KRTAP4-2: variants seen among roughly 807,000 people sequenced by gnomAD.
KRTAP4-2 encodes keratin-associated protein 4-2.
For missense variants in KRTAP4-2, 178 were observed against 177.3 expected, an observed-to-expected ratio of 1.00 and a Z score of -0.02; for synonymous variants, 56 against 63.5, an observed-to-expected ratio of 0.88 and a Z score of 0.56.
At position 41,178,166 on chromosome 17, in the gene KRTAP4-2, G is replaced by C. The variant is rs1598017028; in HGVS notation, c.-2C>G. 2 of 1,607,222 alleles carry C rather than the reference G, an allele frequency of 1.2e-6. No homozygotes were observed. The highest frequency in any genetic ancestry group is 4.5e-5 in the East Asian group (2 of 44,766). ...AGAGCCACAACAGGAGTTGACCATGGTGTCAGAGGGTGGAGGTTCTGGGTG... is the reference window on the plus strand; with the variant it reads ...AGAGCCACAACAGGAGTTGACCATGCTGTCAGAGGGTGGAGGTTCTGGGTG... On this transcript the variant is annotated 5_prime_UTR_variant, in exon 1 of 1. Coordinates refer to ENST00000377726, the MANE Select transcript of KRTAP4-2 (RefSeq NM_033062.4).
At position 41,178,157 on chromosome 17, in the gene KRTAP4-2, T is replaced by C. The variant is rs1370996328; in HGVS notation, c.8A>G (p.Asn3Ser). Residue 3 changes from asparagine to serine, a missense_variant, in exon 1 of 1, where the codon AAC becomes AGC. Transcript: ENST00000377726. ...AGAGCACACAGAGCCACAACAGGAG[T>C]TGACCATGGTGTCAGAGGGTGGAGG... MV[N>S]SCCGSVCSDQ... 3.1e-6 allele frequency: 5 copies of C among 1,610,424 alleles called. No individual in the cohort carries two copies. Among genetic ancestry groups the C allele is most frequent in the Non-Finnish European group, 4.2e-6 (5 of 1,177,474 alleles).
At position 41,177,695 on chromosome 17, in the gene KRTAP4-2, A is replaced by G. The variant is rs1017248967; in HGVS notation, c.*59T>C. 3.2e-6 allele frequency: 5 copies of G among 1,578,016 alleles called. No homozygotes were observed. In the Admixed American group the frequency reaches 8.6e-5, roughly 27 times the overall value. On this transcript the variant is annotated 3_prime_UTR_variant, in exon 1 of 1. Transcript: ENST00000377726. Reference sequence around the variant, plus strand: ...CAATTGGCCTTGCATGATTCAGTTCACAGGTGGATCATATCAAGAATGCTG... The same window carrying G: ...CAATTGGCCTTGCATGATTCAGTTCGCAGGTGGATCATATCAAGAATGCTG...
In KRTAP4-2 at chr17:41,178,020, G is replaced by A; in HGVS notation, c.145C>T (p.Gln49Ter). Reference protein sequence around the residue: ...SCCVSSCCRPQCCQSVCCQPT... With the variant: ...SCCVSSCCRP The stretch of plus-strand genomic sequence containing the variant: ...TGGCAGCACACAGACTGGCAGCACT[G>A]CGGTCTGCAGCAGCTGGACACACAG... The change falls in exon 1 of 1, where the codon CAG becomes TAG. Residue 49 changes from glutamine (Q) to a stop codon, truncating the protein, a stop_gained. Coordinates refer to ENST00000377726, the MANE Select transcript of KRTAP4-2 (RefSeq NM_033062.4). LOFTEE classifies it low-confidence loss of function (END_TRUNC). 1 of 1,602,332 alleles carries A rather than the reference G, an allele frequency of 6.2e-7. No homozygotes were observed. Among genetic ancestry groups the A allele is most frequent in the East Asian group, 2.2e-5 (1 of 44,564 alleles).
Position 41,177,921 on chromosome 17 carries a change from C to G in KRTAP4-2, c.244G>C (p.Val82Leu), listed in dbSNP as rs756122250. The change falls in exon 1 of 1, where the codon GTG becomes CTG. Residue 82 changes from valine to leucine, a missense_variant. Physicochemically the swap from Val to Leu is conservative, Grantham distance 32. Coordinates refer to ENST00000377726, the MANE Select transcript of KRTAP4-2 (RefSeq NM_033062.4). ...CACTGGGGTCTGAAGCAGCTGGACA[C>G]ACAGCAGCTGGGACGGCAGCAGGTG... ...RTTCCRPSCC[V>L]SSCFRPQCCQ... 6.2e-7 allele frequency: 1 copy of G among 1,612,660 alleles called. No individual in the cohort carries two copies. Among genetic ancestry groups the G allele is most frequent in the South Asian group, 1.1e-5 (1 of 90,998 alleles).
At position 41,177,555 on chromosome 17, in the gene KRTAP4-2, T is replaced by C. The variant is rs2015162628; in HGVS notation, c.*199A>G. ...CAATTCAGGGAACATGGGGTTGACA[T>C]ATTTCAGAGAAAATTCAAACTTGTA... On this transcript the variant is annotated 3_prime_UTR_variant, in exon 1 of 1. Transcript: ENST00000377726. 1 of 793,048 alleles carries C rather than the reference T, an allele frequency of 1.3e-6. No homozygotes were observed. Among genetic ancestry groups the C allele is most frequent in the Non-Finnish European group, 2.0e-6 (1 of 505,610 alleles). The allele number at this position is 793,048 out of a possible 1,614,324, so 49.1% of individuals were successfully genotyped here.
chr17:41,177,612 T>C lies in KRTAP4-2; in HGVS notation c.*142A>G. 1 of 1,301,526 alleles carries C rather than the reference T, an allele frequency of 7.7e-7. No homozygotes were observed. Among genetic ancestry groups the C allele is most frequent in the Non-Finnish European group, 1.1e-6 (1 of 937,270 alleles). The allele number at this position is 1,301,526 out of a possible 1,614,324, so 80.6% of individuals were successfully genotyped here. ...TGGTAGAGGGTAGCAACATAGTGTT[T>C]GGTGAGCATATTTGGAGGCCAAACT... On this transcript the variant is annotated 3_prime_UTR_variant, in exon 1 of 1. Transcript: ENST00000377726.
Position 41,177,978 on chromosome 17 carries a change from G to A in KRTAP4-2, c.187C>T (p.Pro63Ser), listed in dbSNP as rs1183341790. The A allele has an allele frequency of 3.9e-5, 63 of 1,604,920 alleles. No homozygotes were observed. Among genetic ancestry groups the A allele is most frequent in the Non-Finnish European group, 5.3e-5 (62 of 1,173,714 alleles). ...CAGCAAGTGGTCTGGCAGCAGCTGG[G>A]GCTGCAGCAGGTGGGCTGGCAGCAC... ...SVCCQPTCCSPSCCQTTCCRT... is the reference protein window; with the variant it reads ...SVCCQPTCCSSSCCQTTCCRT... Residue 63 changes from proline to serine, a missense_variant, in exon 1 of 1, where the codon CCC becomes TCC. Physicochemically the swap from Pro to Ser is moderately conservative, Grantham distance 74 (BLOSUM62 -1). Coordinates refer to ENST00000377726, the MANE Select transcript of KRTAP4-2 (RefSeq NM_033062.4).
rs951517131 is a variant in KRTAP4-2, at chr17:41,177,494, C to T, written c.*260G>A. On this transcript the variant is annotated 3_prime_UTR_variant, in exon 1 of 1. Transcript: ENST00000377726. The stretch of plus-strand genomic sequence containing the variant: ...AAATTTATTTAAGATAGAGGAATAG[C>T]TCCATGTGATAAATTATGGTAGAGA... 8.6e-6 allele frequency: 5 copies of T among 584,756 alleles called. No homozygotes were observed. The African/African-American group carries it at 9.3e-5, about 11-fold the overall frequency. 36.2% of individuals were successfully genotyped at this position (584,756 alleles called of 1,614,324 possible).
chr17:41,178,205 G>T lies in KRTAP4-2; in HGVS notation c.-41C>A, dbSNP rs1292905100. On this transcript the variant is annotated 5_prime_UTR_variant, in exon 1 of 1. Coordinates refer to ENST00000377726, the MANE Select transcript of KRTAP4-2 (RefSeq NM_033062.4). ...AGGTTCTGGGTGGATTTCCAGGAAGGTGGGTTTGGAAGGTTTGGAAGTTTC... is the reference window on the plus strand; with the variant it reads ...AGGTTCTGGGTGGATTTCCAGGAAGTTGGGTTTGGAAGGTTTGGAAGTTTC... The T allele has an allele frequency of 1.9e-6, 3 of 1,583,686 alleles. No homozygotes were observed. In the East Asian group the frequency reaches 6.7e-5, roughly 35 times the overall value.
At position 41,178,165 on chromosome 17, in the gene KRTAP4-2, G is replaced by T. The variant is rs1336745809; in HGVS notation, c.-1C>A. ...CAGAGCCACAACAGGAGTTGACCAT[G>T]GTGTCAGAGGGTGGAGGTTCTGGGT... On this transcript the variant is annotated 5_prime_UTR_variant, in exon 1 of 1. Transcript: ENST00000377726. 1.2e-6 allele frequency: 2 copies of T among 1,606,856 alleles called. No homozygotes were observed.
At position 41,178,156 on chromosome 17, in the gene KRTAP4-2, G is replaced by A. The variant is rs368953965; in HGVS notation, c.9C>T (p.Asn3=). 7 of 1,610,800 alleles carry A rather than the reference G, an allele frequency of 4.3e-6. 1 individual carries two copies. Among genetic ancestry groups the A allele is most frequent in the Non-Finnish European group, 5.9e-6 (7 of 1,177,602 alleles). The change falls in exon 1 of 1, where the codon AAC becomes AAT. Residue 3 remains asparagine, a synonymous_variant. Coordinates refer to ENST00000377726, the MANE Select transcript of KRTAP4-2 (RefSeq NM_033062.4). The part of the protein sequence containing the change: MV[N]SCCGSVCSDQ... ...CAGAGCACACAGAGCCACAACAGGA[G>A]TTGACCATGGTGTCAGAGGGTGGAG...
In KRTAP4-2 at chr17:41,178,025, C is replaced by G. The variant is rs1252320747; in HGVS notation, c.140G>C (p.Arg47Thr). The change falls in exon 1 of 1, where the codon AGA becomes ACA. Residue 47 changes from arginine (R) to threonine (T), a missense_variant. Arg to Thr is a moderately conservative substitution (Grantham distance 71). Coordinates refer to ENST00000377726, the MANE Select transcript of KRTAP4-2 (RefSeq NM_033062.4). ...GCACACAGACTGGCAGCACTGCGGT[C>G]TGCAGCAGCTGGACACACAGCAGCT... ...RPSCCVSSCC[R>T]PQCCQSVCCQ... 3 of 1,605,878 alleles carry G rather than the reference C, an allele frequency of 1.9e-6. No homozygotes were observed. The highest frequency in any genetic ancestry group is 2.6e-6 in the Non-Finnish European group (3 of 1,174,040).
Position 41,177,614 on chromosome 17 carries a change from G to T in KRTAP4-2, c.*140C>A. 7.6e-7 allele frequency: 1 copy of T among 1,318,116 alleles called. No homozygotes were observed. The highest frequency in any genetic ancestry group is 1.1e-6 in the Non-Finnish European group (1 of 951,842). 81.7% of individuals were successfully genotyped at this position (1,318,116 alleles called of 1,614,324 possible). A position where few individuals can be genotyped will look rare whatever the true frequency, so the allele number is the denominator to read the frequency against. ...GTAGAGGGTAGCAACATAGTGTTTG[G>T]TGAGCATATTTGGAGGCCAAACTCA... is the stretch of plus-strand genomic sequence containing the variant. On this transcript the variant is annotated 3_prime_UTR_variant, in exon 1 of 1. Transcript: ENST00000377726.
In KRTAP4-2 at chr17:41,177,607, G is replaced by C. The variant is rs1053640331; in HGVS notation, c.*147C>G. On this transcript the variant is annotated 3_prime_UTR_variant, in exon 1 of 1. Coordinates refer to ENST00000377726, the MANE Select transcript of KRTAP4-2 (RefSeq NM_033062.4). ...TCATTTGGTAGAGGGTAGCAACATA[G>C]TGTTTGGTGAGCATATTTGGAGGCC... is the stretch of plus-strand genomic sequence containing the variant. 2 of 1,250,224 alleles carry C rather than the reference G, an allele frequency of 1.6e-6. No individual in the cohort carries two copies. The highest frequency in any genetic ancestry group is 2.2e-6 in the Non-Finnish European group (2 of 891,828). The allele number at this position is 1,250,224 out of a possible 1,614,324, so 77.4% of individuals were successfully genotyped here.
Position 41,178,052 on chromosome 17 carries a change from G to C in KRTAP4-2, c.113C>G (p.Pro38Arg), listed in dbSNP as rs770046230. Residue 38 changes from proline (P) to arginine (R), a missense_variant, in exon 1 of 1, where the codon CCC becomes CGC. Physicochemically the swap from Pro to Arg is moderately radical, Grantham distance 103. Transcript: ENST00000377726. The part of the protein sequence containing the change: ...TTCCRTTCCR[P>R]SCCVSSCCRP... ...GCAGCAGCTGGACACACAGCAGCTG[G>C]GGCGGCAGCAGGTGGTCCTGCAGCA... The C allele has an allele frequency of 1.1e-5, 17 of 1,613,094 alleles. No individual in the cohort carries two copies. The South Asian group carries it at 1.9e-4, about 18-fold the overall frequency.
In KRTAP4-2 at chr17:41,177,518, G is replaced by A. The variant is rs1269625171; in HGVS notation, c.*236C>T. The A allele has an allele frequency of 4.6e-6, 3 of 646,656 alleles. No homozygotes were observed. Among genetic ancestry groups the A allele is most frequent in the Non-Finnish European group, 2.6e-6 (1 of 387,484 alleles). 40.1% of individuals were successfully genotyped at this position (646,656 alleles called of 1,614,324 possible). A position where few individuals can be genotyped will look rare whatever the true frequency, so the allele number is the denominator to read the frequency against. ...GCTCCATGTGATAAATTATGGTAGA[G>A]AGCAAATATTTCAATTCAGGGAACA... On this transcript the variant is annotated 3_prime_UTR_variant, in exon 1 of 1. Transcript: ENST00000377726.
chr17:41,178,087 G>A lies in KRTAP4-2; in HGVS notation c.78C>T (p.Cys26=), dbSNP rs751729150. The change falls in exon 1 of 1, where the codon TGC becomes TGT. Residue 26 remains cysteine, a synonymous_variant. Transcript: ENST00000377726. ...AGGTGGTCCTGCAGCAGGTGGTCTG[G>A]CAGCAGCTGGGACGGCAGCAGTTCT... The part of the protein sequence containing the change: ...GLENCCRPSC[C]QTTCCRTTCC... The A allele has an allele frequency of 5.0e-6, 8 of 1,613,996 alleles. No homozygotes were observed. The East Asian group carries it at 6.7e-5, about 13-fold the overall frequency.
In KRTAP4-2 at chr17:41,178,055, C is replaced by A. The variant is rs374053955; in HGVS notation, c.110G>T (p.Arg37Leu). The A allele has an allele frequency of 6.2e-7, 1 of 1,613,614 alleles. No individual in the cohort carries two copies. Among genetic ancestry groups the A allele is most frequent in the South Asian group, 1.1e-5 (1 of 91,036 alleles). Residue 37 changes from arginine to leucine, a missense_variant, in exon 1 of 1, where the codon CGC (arginine) becomes CTC (leucine). Arg to Leu is a moderately radical substitution (Grantham distance 102, BLOSUM62 -2). Transcript: ENST00000377726. Reference protein sequence around the residue: ...QTTCCRTTCCRPSCCVSSCCR... With the variant: ...QTTCCRTTCCLPSCCVSSCCR... ...GCAGCTGGACACACAGCAGCTGGGG[C>A]GGCAGCAGGTGGTCCTGCAGCAGGT...
chr17:41,178,150 A>G lies in KRTAP4-2; in HGVS notation c.15T>C (p.Cys5=), dbSNP rs1004434377. MVNS[C]CGSVCSDQGC... The stretch of plus-strand genomic sequence containing the variant: ...CCTGGTCAGAGCACACAGAGCCACA[A>G]CAGGAGTTGACCATGGTGTCAGAGG... The change falls in exon 1 of 1, where the codon TGT becomes TGC. Residue 5 remains cysteine, a synonymous_variant. Coordinates refer to ENST00000377726, the MANE Select transcript of KRTAP4-2 (RefSeq NM_033062.4). 2.5e-6 allele frequency: 4 copies of G among 1,611,518 alleles called. No individual in the cohort carries two copies. The highest frequency in any genetic ancestry group is 3.4e-6 in the Non-Finnish European group (4 of 1,178,242).
Sources: gnomAD v4.1 joint callset for allele counts on GRCh38, gnomAD v4.1.1 for gene constraint, MANE v1.5 for transcripts, NCBI Gene and HGNC (gene_info 2026-07-23, HGNC 2026-07-21) for gene names.